Variants in OVOL1 observed in about 807,000 individuals in gnomAD.
The protein encoded by OVOL1 is putative transcription factor Ovo-like 1.
OVOL1 carries 10 observed loss-of-function variants against 21.5 expected under a neutral mutation model. That is an observed-to-expected ratio of 0.46 (90% confidence interval 0.29 to 0.79). The LOEUF is 0.79. Among genes scored for constraint, OVOL1 ranks in the 30% least tolerant of loss-of-function variants. The pLI, the probability that OVOL1 is intolerant of heterozygous loss-of-function variation, is 0.10. For missense variants in OVOL1, 279 were observed against 362.3 expected (o/e 0.77, Z 1.87); for synonymous variants, 129 against 150.3 (o/e 0.86, Z 1.03).
At chr11:65,791,443 C>T (rs1025720882) in intron 1 of OVOL1, among the ~76,000 whole-genome samples, 1 of 152,208 alleles carries the variant, frequency 6.6e-6, no homozygotes, top group Non-Finnish European at 1.5e-5. Flanking sequence ...GTCATCCTTG[C>T]ATCTGCTTCA....
chr11:65,795,158 G>A lies in OVOL1; in HGVS notation c.621G>A (p.Glu207=). 1 of 1,613,342 alleles carries A rather than the reference G, an allele frequency of 6.2e-7. No individual in the cohort carries two copies. The highest frequency in any genetic ancestry group is 8.5e-7 in the Non-Finnish European group (1 of 1,179,998). ...TGCAGCAGAAGTACGCGTACAAGGA[G>A]CGGCGGGCCAAGCTGTACGTGTGTG... is the stretch of plus-strand genomic sequence containing the variant. ...HGVQQKYAYK[E]RRAKLYVCEE... Residue 207 remains glutamate (E), a synonymous_variant, in exon 4 of 4, where the codon GAG becomes GAA. Coordinates refer to ENST00000335987, the MANE Select transcript of OVOL1 (RefSeq NM_004561.4). The surrounding 1 kb of genome is among the most constrained non-coding windows in gnomAD (Gnocchi z 5.7).
rs778493587 is a variant in OVOL1 at position 65,794,035 on chromosome 11, C to T, written c.105C>T (p.Ser35=). The T allele has an allele frequency of 6.2e-7, 1 of 1,613,084 alleles. No individual in the cohort carries two copies. The highest frequency in any genetic ancestry group is 2.2e-5 in the East Asian group (1 of 44,880). The change falls in exon 2 of 4, where the codon AGC becomes AGT. Residue 35 remains serine, a synonymous_variant. Transcript: ENST00000335987. ...EERGEIYVPV[S]LGFCPPQPYR... ...ACCTGTCTGTTCTCTCCCCAGTCAG[C>T]CTGGGCTTCTGCCCACCACAGCCCT...
intron 1 of OVOL1, chr11:65,793,805 T>C: frequency 1.7e-6 from 1 of 586,752 alleles, no homozygotes; most frequent in Non-Finnish European, 3.0e-6. Flanking sequence ...AAGACACAAA[T>C]TACTCAGCGG....
chr11:65,788,429 G>A (rs1857946726), intron 1 of OVOL1: 1 of 983,394 alleles, frequency 1.0e-6, no homozygotes, highest in Non-Finnish European at 1.2e-6. Flanking sequence ...CCAGGCCTTG[G>A]GGGCGGGGCG....
chr11:65,789,585 TGG>T, intron 1 of OVOL1: 2 of 794,324 alleles, frequency 2.5e-6, no homozygotes, highest in Non-Finnish European at 3.1e-6. Flanking sequence ...GGCTGGAGAG[TGG>T]GGGTGCGTTT....
rs145697171 is a variant in OVOL1, at chr11:65,793,927, C to T, written c.101-104C>T. ...TGCTGCATGCCTGCGATGGGAGGGACGGAGTCTCCAGGTTCCAGCCGTCTC... is the reference window on the plus strand; with the variant it reads ...TGCTGCATGCCTGCGATGGGAGGGATGGAGTCTCCAGGTTCCAGCCGTCTC... On this transcript the variant is annotated intron_variant, in intron 1 of 3. Coordinates refer to ENST00000335987, the MANE Select transcript of OVOL1 (RefSeq NM_004561.4). The T allele has an allele frequency of 2.4e-4, 197 of 836,224 alleles. No homozygotes were observed. The African/African-American group carries it at 2.8e-3, about 12-fold the overall frequency. 51.8% of individuals were successfully genotyped at this position (836,224 alleles called of 1,614,324 possible).
At chr11:65,789,105 T>C (rs750218513) in intron 1 of OVOL1, 16 of 970,216 alleles carry the variant, frequency 1.6e-5, no homozygotes, top group Non-Finnish European at 1.8e-5. Flanking sequence ...TTTAGTTTTA[T>C]TTCACATCCC....
chr11:65,794,814 C>A, intron 3 of OVOL1, 87 bp downstream of exon 3: 1 of 1,377,430 alleles, frequency 7.3e-7, no homozygotes, highest in South Asian at 1.2e-5. Context: ...CCTGCTCTCC[C>A]TCGGTGACGG....
chr11:65,787,217 C>T lies in OVOL1; in HGVS notation c.-157C>T, dbSNP rs1857922839. 1 of 516,274 alleles carries T rather than the reference C, an allele frequency of 1.9e-6. No individual in the cohort carries two copies. The highest frequency in any genetic ancestry group is 2.0e-5 in the African/African-American group (1 of 49,114). The allele number at this position is 516,274 out of a possible 1,614,324, so 32.0% of individuals were successfully genotyped here. ...CCGCGGAGGTGGAACCGCCGCGCGC[C>T]GTCCGGGCTCGGACCTTCCCCGGAA... On this transcript the variant is annotated 5_prime_UTR_variant, in exon 1 of 4. Coordinates refer to ENST00000335987, the MANE Select transcript of OVOL1 (RefSeq NM_004561.4).
intron 1 of OVOL1, chr11:65,788,343 A>C: frequency 2.8e-6 from 1 of 354,560 alleles, no homozygotes; most frequent in Non-Finnish European, 3.9e-6. Flanking sequence ...GAACACTCCT[A>C]CCCCTTCTGT....
rs1365932208 is a variant in OVOL1, at chr11:65,796,928, T to TCAGGCC, written c.*1591_*1596dup. On this transcript the variant is annotated 3_prime_UTR_variant, in exon 4 of 4. Transcript: ENST00000335987. ...TGTCTACACGTCCCCGGGCTCAGGC[T>TCAGGCC]CAGGCCCAGCCCTGGGCTGACCTGA... The TCAGGCC allele has an allele frequency of 6.6e-6, 1 of 152,156 alleles. No individual in the cohort carries two copies. Among genetic ancestry groups the TCAGGCC allele is most frequent in the Non-Finnish European group, 1.5e-5 (1 of 68,032 alleles). 9.4% of individuals were successfully genotyped at this position (152,156 alleles called of 1,614,324 possible).
intron 1 of OVOL1, among the ~76,000 whole-genome samples, chr11:65,788,163 C>T (rs1857941404): frequency 6.6e-6 from 1 of 152,228 alleles, no homozygotes. Flanking sequence ...ACTTCCTTCA[C>T]CTTGCGGAGG....
chr11:65,788,589 C>T, intron 1 of OVOL1: 3 of 985,098 alleles, frequency 3.0e-6, no homozygotes, highest in African/African-American at 1.7e-5. Flanking sequence ...TGAGGGGCCC[C>T]GTGAGGGCTC....
chr11:65,794,998 C>T, intron 3 of OVOL1, 48 bp from the exon 4 acceptor site: 1 of 1,585,040 alleles, frequency 6.3e-7, no homozygotes, highest in Admixed American at 1.7e-5. Flanking sequence ...CCGACAGCCT[C>T]TGAAGTCCCT....
chr11:65,794,076 C>G lies in OVOL1; in HGVS notation c.146C>G (p.Pro49Arg). 6.2e-7 allele frequency: 1 copy of G among 1,614,072 alleles called. No homozygotes were observed. Among genetic ancestry groups the G allele is most frequent in the Non-Finnish European group, 8.5e-7 (1 of 1,180,026 alleles). Residue 49 changes from proline to arginine, a missense_variant, in exon 2 of 4, where the codon CCC becomes CGC. Coordinates refer to ENST00000335987, the MANE Select transcript of OVOL1 (RefSeq NM_004561.4). Reference sequence around the variant, plus strand: ...CCACAGCCCTACCGGGAGCCGGAACCCTCTGTGGCCGAACCCCCTTCCTGC... The same window carrying G: ...CCACAGCCCTACCGGGAGCCGGAACGCTCTGTGGCCGAACCCCCTTCCTGC... ...CPPQPYREPE[P>R]SVAEPPSCPL...
At chr11:65,792,861 G>A (rs1490870939) in intron 1 of OVOL1, among the ~76,000 whole-genome samples, 1 of 152,228 alleles carries the variant, frequency 6.6e-6, no homozygotes. Context: ...TGTCCTCCTG[G>A]GAGAAGAGGT....
chr11:65,788,329 C>T (rs1857944513), intron 1 of OVOL1: 1 of 307,268 alleles, frequency 3.3e-6, no homozygotes, highest in African/African-American at 2.2e-5. Flanking sequence ...CCTGAACGCC[C>T]CAAGAACACT....
intron 1 of OVOL1, among the ~76,000 whole-genome samples, chr11:65,787,945 C>G (rs962164616): frequency 5.9e-5 from 9 of 152,188 alleles, no homozygotes; most frequent in African/African-American, 2.2e-4. Flanking sequence ...GCTTCAGCCG[C>G]TCGCACAGGT....
chr11:65,788,776 C>G (rs1247278874), intron 1 of OVOL1: 1 of 985,470 alleles, frequency 1.0e-6, no homozygotes, highest in Non-Finnish European at 1.2e-6. Context: ...TGCCAGAAGA[C>G]CCTGGTAACC....
Sources: allele counts gnomAD v4.1 joint callset (sites outside exome capture counted in the v4.1 genomes callset), GRCh38; gene constraint gnomAD v4.1.1; non-coding constraint Gnocchi (gnomAD v3.1); transcripts MANE v1.5; gene names NCBI Gene and HGNC (gene_info 2026-07-23, HGNC 2026-07-21).